The following PRKD1 variants were observed in gnomAD, a reference collection of about 807,000 sequenced individuals.
PRKD1 encodes protein kinase D1, also known as serine/threonine-protein kinase D1.
In PRKD1, 63 loss-of-function variants were observed where a neutral mutation model predicts 95.9. That is an observed-to-expected ratio of 0.66 (90% CI 0.54 to 0.81). The LOEUF (loss-of-function observed/expected upper bound fraction) is 0.81, where lower values mean the gene tolerates loss of function less well. Among genes scored for constraint, PRKD1 ranks in the 30% least tolerant of loss-of-function variants. The pLI, the probability that PRKD1 is intolerant of heterozygous loss-of-function variation, is 0.00. For missense variants in PRKD1, 1,048 were observed against 1,165.3 expected, an observed-to-expected ratio of 0.90 and a Z score of 1.47; for synonymous variants, 425 against 423.1, an observed-to-expected ratio of 1.00 and a Z score of -0.05.
chr14:29,849,579 A>AC (rs3066193), intron 1 of PRKD1, among the ~76,000 whole-genome samples: 427 of 150,030 alleles, frequency 2.8e-3, no homozygotes, highest in Middle Eastern at 0.01. Context: ...AACAACAACA[A>AC]AAAAAAAACT....
At chr14:29,779,626 C>A (rs926623177) in intron 1 of PRKD1, among the ~76,000 whole-genome samples, 1 of 151,482 alleles carries the variant, frequency 6.6e-6, no homozygotes, top group Non-Finnish European at 1.5e-5. Context: ...CACTGCTCAA[C>A]GAAATAAAAG....
chr14:29,746,614 G>A (rs967845564), intron 1 of PRKD1, among the ~76,000 whole-genome samples: 1 of 151,844 alleles, frequency 6.6e-6, no homozygotes, highest in Non-Finnish European at 1.5e-5. Context: ...GTGTGCTTTG[G>A]TTCATTACTG....
At chr14:29,712,802 G>C (rs1221987414) in intron 2 of PRKD1, among the ~76,000 whole-genome samples, 1 of 152,148 alleles carries the variant, frequency 6.6e-6, no homozygotes, top group Non-Finnish European at 1.5e-5. Flanking sequence ...GCAAATAAAT[G>C]ACATGCCAAC....
In PRKD1 at chr14:29,927,581, C is replaced by T; in HGVS notation, c.-69G>A. On this transcript the variant is annotated 5_prime_UTR_variant, in exon 1 of 18. Coordinates refer to ENST00000331968, the MANE Select transcript of PRKD1 (RefSeq NM_002742.3). Reference sequence around the variant, plus strand: ...GCGGCGCGGCAGCAGGAAAGTTTTGCAGCCGCTGAGCCAGGAGCTTCTTTC... The same window carrying T: ...GCGGCGCGGCAGCAGGAAAGTTTTGTAGCCGCTGAGCCAGGAGCTTCTTTC... 9.2e-7 allele frequency: 1 copy of T among 1,089,854 alleles called. No individual in the cohort carries two copies. Among genetic ancestry groups the T allele is most frequent in the Non-Finnish European group, 1.1e-6 (1 of 893,324 alleles). The allele number at this position is 1,089,854 out of a possible 1,614,324, so 67.5% of individuals were successfully genotyped here.
At chr14:29,797,071 A>G (rs551480713) in intron 1 of PRKD1, among the ~76,000 whole-genome samples, 1 of 152,330 alleles carries the variant, frequency 6.6e-6, no homozygotes, top group East Asian at 1.9e-4. Flanking sequence ...AATGGAAGAA[A>G]GTATTGTTAC....
intron 1 of PRKD1, among the ~76,000 whole-genome samples, chr14:29,918,903 C>T (rs147148077): frequency 3.3e-4 from 50 of 152,286 alleles, no homozygotes; most frequent in African/African-American, 1.1e-3. Flanking sequence ...TAATTATCAA[C>T]AACACCATAT....
chr14:29,577,296 G>A lies in PRKD1; in HGVS notation c.2681C>T (p.Thr894Ile), dbSNP rs1409323630. ...LINPSASHSD[T>I]PETEETEMKA... is the part of the protein sequence containing the mutation. Reference sequence around the variant, plus strand: ...CATTTCTGTTTCTTCAGTCTCAGGAGTGTCACTGTGGCTAGCACTTGGATT... The same window carrying A: ...CATTTCTGTTTCTTCAGTCTCAGGAATGTCACTGTGGCTAGCACTTGGATT... Residue 894 changes from threonine to isoleucine, a missense_variant, in exon 18 of 18, where the codon ACT (threonine) becomes ATT (isoleucine). Coordinates refer to ENST00000331968, the MANE Select transcript of PRKD1 (RefSeq NM_002742.3). 3 of 1,613,848 alleles carry A rather than the reference G, an allele frequency of 1.9e-6. No homozygotes were observed. In the South Asian group the frequency reaches 3.3e-5, roughly 18 times the overall value.
intron 1 of PRKD1, among the ~76,000 whole-genome samples, chr14:29,865,995 T>C (rs1412754112): frequency 6.6e-6 from 1 of 152,162 alleles, no homozygotes; most frequent in African/African-American, 2.4e-5. Context: ...TCAGTATTCT[T>C]TGAATATAAT....
chr14:29,589,885 TATTTTA>T (rs1893067979), intron 16 of PRKD1, among the ~76,000 whole-genome samples: 1 of 152,302 alleles, frequency 6.6e-6, no homozygotes, highest in South Asian at 2.1e-4. Context: ...GGAGACTACC[TATTTTA>T]AATATTTAAA....
chr14:29,879,398 C>T (rs1311497775), intron 1 of PRKD1, among the ~76,000 whole-genome samples: 1 of 152,174 alleles, frequency 6.6e-6, no homozygotes, highest in Non-Finnish European at 1.5e-5. Flanking sequence ...TCCACGTTTG[C>T]TTCTTCCTCG....
At chr14:29,871,838 A>G (rs1216001745) in intron 1 of PRKD1, among the ~76,000 whole-genome samples, 1 of 152,166 alleles carries the variant, frequency 6.6e-6, no homozygotes, top group African/African-American at 2.4e-5. Flanking sequence ...CAAAAGAGAC[A>G]ATAAAATGTT....
chr14:29,919,129 T>C (rs1473371130), intron 1 of PRKD1, among the ~76,000 whole-genome samples: 2 of 152,168 alleles, frequency 1.3e-5, no homozygotes, highest in African/African-American at 4.8e-5. Flanking sequence ...TAGTGAAGGG[T>C]GTATATTTTT....
rs2208716 is a variant in PRKD1, at chr14:29,651,022, A to G, written c.697-12118T>C. ...TCAATTCTTTAATTTTTCTACTTCA[A>G]TAGTACATTATAGAATCCTAGCCCA... is the stretch of plus-strand genomic sequence containing the variant. On this transcript the variant is annotated intron_variant, in intron 4 of 17. Transcript: ENST00000331968. Among the ~76,000 whole-genome samples the G allele has an allele frequency of 8.8e-3, 1,335 of 152,300 alleles. 24 individuals carry two copies. The highest frequency in any genetic ancestry group is 0.03 in the African/African-American group (1,246 of 41,546).
intron 16 of PRKD1, among the ~76,000 whole-genome samples, chr14:29,588,790 TTGTGTGTGTG>T (rs34773417): frequency 0.02 from 2,976 of 145,278 alleles, 52 homozygotes; most frequent in African/African-American, 0.045. Context: ...ATTCCTAAAG[TTGTGTGTGTG>T]TGTGTGTGTG....
chr14:29,644,818 C>T (rs1284249634), intron 4 of PRKD1, among the ~76,000 whole-genome samples: 3 of 151,238 alleles, frequency 2.0e-5, no homozygotes, highest in Non-Finnish European at 4.4e-5. Flanking sequence ...ACATTTTATA[C>T]AACTATTTTC....
intron 13 of PRKD1, among the ~76,000 whole-genome samples, chr14:29,623,728 A>T (rs543811996): frequency 6.6e-6 from 1 of 152,316 alleles, no homozygotes; most frequent in East Asian, 1.9e-4. Context: ...GACATTAATA[A>T]AATCAACATG....
chr14:29,898,259 T>C (rs909254612), intron 1 of PRKD1, among the ~76,000 whole-genome samples: 6 of 152,158 alleles, frequency 3.9e-5, no homozygotes, highest in African/African-American at 1.2e-4. Flanking sequence ...TCATTAAATA[T>C]GATAATCATC....
At chr14:29,767,225 G>A (rs1443261419) in intron 1 of PRKD1, among the ~76,000 whole-genome samples, 1 of 152,012 alleles carries the variant, frequency 6.6e-6, no homozygotes, top group Non-Finnish European at 1.5e-5. Flanking sequence ...TGTTTAATCT[G>A]TCTATAGAAC....
At chr14:29,786,410 A>G (rs1373383981) in intron 1 of PRKD1, among the ~76,000 whole-genome samples, 1 of 152,100 alleles carries the variant, frequency 6.6e-6, no homozygotes, top group Non-Finnish European at 1.5e-5. Context: ...GTTTGAGAAG[A>G]GTTGGTGTTA....
Sources: allele counts gnomAD v4.1 joint callset (sites outside exome capture counted in the v4.1 genomes callset), GRCh38; gene constraint gnomAD v4.1.1; transcripts MANE v1.5; gene names NCBI Gene and HGNC (gene_info 2026-07-23, HGNC 2026-07-21).